Variants in BRWD1 observed in about 807,000 individuals in gnomAD.
BRWD1 encodes bromodomain and WD repeat domain containing 1, also known as bromodomain and WD repeat-containing protein 1.
Under a neutral mutation model 251.2 loss-of-function variants are expected in BRWD1, and 82 were observed. The ratio of observed to expected loss-of-function variants is 0.33; its 90% CI spans 0.27 to 0.39. The LOEUF (loss-of-function observed/expected upper bound fraction) is 0.39, where lower values mean the gene tolerates loss of function less well. Ranked by LOEUF, BRWD1 falls within the 10% of genes least tolerant of loss-of-function variation. The pLI, the probability that BRWD1 is intolerant of heterozygous loss-of-function variation, is 1.00. For missense variants in BRWD1, 2,233 were observed against 2,711.6 expected, an observed-to-expected ratio of 0.82 and a Z score of 3.92; for synonymous variants, 918 against 902.8, an observed-to-expected ratio of 1.02 and a Z score of -0.30.
chr21:39,287,938 C>T, intron 8 of BRWD1, among the ~76,000 whole-genome samples: 1 of 152,140 alleles, frequency 6.6e-6, no homozygotes, highest in East Asian at 1.9e-4. Flanking sequence ...TTTAGCTGCA[C>T]TGGACAACAA....
rs1470001626 is a variant in BRWD1 at position 39,270,338 on chromosome 21, T to C, written c.1340A>G (p.Asp447Gly). The stretch of plus-strand genomic sequence containing the variant: ...AGAATTCCACACTTTGAGGACATGA[T>C]CATTCACAGCTGTGACAACAATGCT... ...NDSIVVTAVN[D>G]HVLKVWNSYT... Residue 447 changes from aspartate (D) to glycine (G), a missense_variant, in exon 14 of 41, where the codon GAT becomes GGT. Around this residue, in one of 12 missense-constraint regions of BRWD1, gnomAD observed 315 missense variants for 421.8 expected, o/e 0.75. Coordinates refer to ENST00000342449, the MANE Select transcript of BRWD1 (RefSeq NM_033656.4). 6.2e-7 allele frequency: 1 copy of C among 1,612,506 alleles called. No individual in the cohort carries two copies. Among genetic ancestry groups the C allele is most frequent in the South Asian group, 1.1e-5 (1 of 90,736 alleles).
intron 4 of BRWD1, among the ~76,000 whole-genome samples, chr21:39,311,151 C>CA (rs1331831172): frequency 2.0e-5 from 3 of 151,570 alleles, no homozygotes; most frequent in Admixed American, 6.6e-5. Flanking sequence ...CAACAAAAGC[C>CA]AAAAAATTTA....
intron 4 of BRWD1, among the ~76,000 whole-genome samples, chr21:39,306,600 A>T (rs1044661005): frequency 3.9e-5 from 6 of 152,160 alleles, no homozygotes. Flanking sequence ...ATTTTCTTTG[A>T]CCGGAAAAAA....
chr21:39,298,670 A>C, intron 4 of BRWD1, 88 bp from the exon 5 acceptor site: 2 of 1,066,616 alleles, frequency 1.9e-6, no homozygotes, highest in Non-Finnish European at 2.6e-6. Context: ...AAATGTGAAA[A>C]ACATACACTG....
Position 39,210,072 on chromosome 21 carries a change from T to C in BRWD1, c.4120A>G (p.Ser1374Gly), listed in dbSNP as rs1161137440. ...ATGTCTTTGCAAAACTCCAAAGGGC[T>C]GTCATAATTTCCCGCATCTAGAGTT... ...RETLDAGNYD[S>G]PLEFCKDIRL... is the part of the protein sequence containing the mutation. The change falls in exon 36 of 41, where the codon AGC becomes GGC. Residue 1374 changes from serine (S) to glycine (G), a missense_variant. Physicochemically the swap from Ser to Gly is moderately conservative, Grantham distance 56. This residue lies in a region of BRWD1 where 69 missense variants were observed against 101.6 expected (regional missense o/e 0.68). Coordinates refer to ENST00000342449, the MANE Select transcript of BRWD1 (RefSeq NM_033656.4). 1 of 1,613,568 alleles carries C rather than the reference T, an allele frequency of 6.2e-7. No individual in the cohort carries two copies. The highest frequency in any genetic ancestry group is 1.1e-5 in the South Asian group (1 of 91,064).
At chr21:39,292,881 C>G (rs952415488) in intron 8 of BRWD1, among the ~76,000 whole-genome samples, 1 of 152,056 alleles carries the variant, frequency 6.6e-6, no homozygotes, top group African/African-American at 2.4e-5. Flanking sequence ...CATTATGAGA[C>G]AACTGGAAAC....
rs2031862565 is a variant in BRWD1 at position 39,197,127 on chromosome 21, C to T, written c.5942G>A (p.Gly1981Glu). ...ACTTGGTACTTCACAATGTACACTT[C>T]CTTCACAATCACTCAATTTCTTCTT... ...TAKKKLSDCE[G>E]SVHCEVPSEQ... Residue 1981 changes from glycine (G) to glutamate (E), a missense_variant, in exon 41 of 41, where the codon GGA (glycine) becomes GAA (glutamate). Around this residue, in one of 12 missense-constraint regions of BRWD1, gnomAD observed 928 missense variants for 970.0 expected, o/e 0.96. Transcript: ENST00000342449. The T allele has an allele frequency of 6.2e-7, 1 of 1,613,980 alleles. No homozygotes were observed. Among genetic ancestry groups the T allele is most frequent in the Admixed American group, 1.7e-5 (1 of 59,988 alleles).
chr21:39,296,558 GCAA>G lies in BRWD1; in HGVS notation c.350-198_350-196del, dbSNP rs1456759950. On this transcript the variant is annotated intron_variant, in intron 5 of 40. Transcript: ENST00000342449. Reference sequence around the variant, plus strand: ...AAATTAAGACATCTCAGATACAGCAGCAACAACAACTAACATTTGTGTAGCACT... The same window carrying G: ...AAATTAAGACATCTCAGATACAGCAGCAACAACTAACATTTGTGTAGCACT... 8.2e-6 allele frequency: 10 copies of G among 1,223,178 alleles called. No individual in the cohort carries two copies. The South Asian group carries it at 2.2e-4, about 26-fold the overall frequency. The allele number at this position is 1,223,178 out of a possible 1,614,324, so 75.8% of individuals were successfully genotyped here. A position where few individuals can be genotyped will look rare whatever the true frequency, so the allele number is the denominator to read the frequency against.
Position 39,286,864 on chromosome 21 carries a change from T to C in BRWD1, c.832-6616A>G, listed in dbSNP as rs1045662685. 3.4e-4 allele frequency among the ~76,000 whole-genome samples: 52 copies of C among 152,304 alleles called. 2 individuals carry two copies. Among genetic ancestry groups the C allele is most frequent in the African/African-American group, 1.2e-3 (50 of 41,566 alleles). On this transcript the variant is annotated intron_variant, in intron 8 of 40. Coordinates refer to ENST00000342449, the MANE Select transcript of BRWD1 (RefSeq NM_033656.4). The stretch of plus-strand genomic sequence containing the variant: ...TAAAAATGAACAGTTGTAGTAATAG[T>C]ATAGTGTTCATTTTCTGCAAATACT...
intron 4 of BRWD1, among the ~76,000 whole-genome samples, chr21:39,299,814 A>T (rs1032200229): frequency 2.5e-3 from 5 of 2,008 alleles, no homozygotes; most frequent in African/African-American, 0.012. Context: ...ATCTCTACTA[A>T]AAAAAAAAAA....
At chr21:39,313,954 G>A (rs1323314249), upstream of BRWD1, 9 of 349,570 alleles carry the variant, frequency 2.6e-5, no homozygotes, top group Middle Eastern at 6.9e-4. Flanking sequence ...GCCGGGGGCG[G>A]AAGCGCGGCC....
Position 39,196,650 on chromosome 21 carries a change from A to G in BRWD1, c.6419T>C (p.Ile2140Thr), listed in dbSNP as rs572562994. ...CTTTGAATTCCCAGTTGTTTCAGAGATTTTCACATTTTCCAATTCAGGATG... is the reference window on the plus strand; with the variant it reads ...CTTTGAATTCCCAGTTGTTTCAGAGGTTTTCACATTTTCCAATTCAGGATG... ...RSHPELENVK[I>T]SETTGNSKFR... is the part of the protein sequence containing the mutation. The change falls in exon 41 of 41, where the codon ATC becomes ACC. Residue 2140 changes from isoleucine to threonine, a missense_variant. Coordinates refer to ENST00000342449, the MANE Select transcript of BRWD1 (RefSeq NM_033656.4). 5.1e-4 allele frequency: 815 copies of G among 1,613,646 alleles called. 12 individuals carry two copies. The South Asian group carries it at 8.6e-3, about 17-fold the overall frequency.
At chr21:39,314,187 C>T (rs1331885215), upstream of BRWD1, 6 of 456,006 alleles carry the variant, frequency 1.3e-5, no homozygotes, top group South Asian at 3.1e-5. Context: ...CTCGCCGCGC[C>T]TCCCGCAGAG....
intron 37 of BRWD1, among the ~76,000 whole-genome samples, chr21:39,205,628 C>G (rs1263239859): frequency 6.6e-6 from 1 of 151,904 alleles, no homozygotes; most frequent in Non-Finnish European, 1.5e-5. Context: ...AAAAATTAGC[C>G]AGGCATGGCA....
Position 39,196,122 on chromosome 21 carries a change from T to C in BRWD1, c.*137A>G. Reference sequence around the variant, plus strand: ...GCAAATAAAAATAACAGTCATGATTTAGTCACATTCATAACTTTTCATAGA... The same window carrying C: ...GCAAATAAAAATAACAGTCATGATTCAGTCACATTCATAACTTTTCATAGA... On this transcript the variant is annotated 3_prime_UTR_variant, in exon 41 of 41. Transcript: ENST00000342449. 2 of 1,433,212 alleles carry C rather than the reference T, an allele frequency of 1.4e-6. No homozygotes were observed. The highest frequency in any genetic ancestry group is 1.8e-6 in the Non-Finnish European group (2 of 1,100,288). 88.8% of individuals were successfully genotyped at this position (1,433,212 alleles called of 1,614,324 possible).
At chr21:39,281,943 T>TATATATGTAGAC (rs1372245584) in intron 8 of BRWD1, among the ~76,000 whole-genome samples, 1 of 151,534 alleles carries the variant, frequency 6.6e-6, no homozygotes, top group Non-Finnish European at 1.5e-5. Flanking sequence ...TATACATGTG[T>TATATATGTAGAC]ATATATGTAG....
At chr21:39,306,650 T>G (rs547903211) in intron 4 of BRWD1, among the ~76,000 whole-genome samples, 4 of 152,282 alleles carry the variant, frequency 2.6e-5, no homozygotes, top group African/African-American at 9.6e-5. Flanking sequence ...ATTAGAAAAC[T>G]CATTAAGATT....
In BRWD1 at chr21:39,224,451, A is replaced by T. The variant is rs761403367; in HGVS notation, c.3339T>A (p.Ile1113=). 9 of 1,601,142 alleles carry T rather than the reference A, an allele frequency of 5.6e-6. No individual in the cohort carries two copies. Among genetic ancestry groups the T allele is most frequent in the Non-Finnish European group, 7.7e-6 (9 of 1,172,384 alleles). Residue 1113 remains isoleucine (I), a synonymous_variant, in exon 29 of 41, where the codon ATT becomes ATA. Coordinates refer to ENST00000342449, the MANE Select transcript of BRWD1 (RefSeq NM_033656.4). The stretch of plus-strand genomic sequence containing the variant: ...CCATGTCCCATGGGCTAAGTTTTTC[A>T]ATTTCAGTATTATCCCACCTGTTAA... ...CYIVRWDNTE[I]EKLSPWDMEP... is the part of the protein sequence containing the mutation.
At chr21:39,313,354 G>A (rs2036582142) in intron 1 of BRWD1, 55 bp from the exon 2 acceptor site, 1 of 1,466,332 alleles carries the variant, frequency 6.8e-7, no homozygotes, top group Non-Finnish European at 9.1e-7. Context: ...AGGGGGACGG[G>A]GCCAGGGGAG....
Sources: gnomAD v4.1 joint callset for allele counts (sites outside exome capture counted in the v4.1 genomes callset) on GRCh38, gnomAD v4.1.1 for gene constraint, gnomAD v4.1.1 regional missense constraint, MANE v1.5 for transcripts, NCBI Gene and HGNC (gene_info 2026-07-23, HGNC 2026-07-21) for gene names.